The following FAM227B variants were observed in gnomAD, a reference collection of about 807,000 sequenced individuals.
FAM227B encodes protein FAM227B.
FAM227B carries 88 observed loss-of-function variants against 73.8 expected under a neutral mutation model. That is an observed-to-expected ratio of 1.19 (90% CI 1.00 to 1.42). The LOEUF (loss-of-function observed/expected upper bound fraction) is 1.42. Ranked by LOEUF, FAM227B falls within the 40% of genes most tolerant of loss-of-function variation. FAM227B has a pLI of 0.00. For missense variants in FAM227B, 632 were observed against 590.9 expected (o/e 1.07, Z -0.72); for synonymous variants, 210 against 190.5 (o/e 1.10, Z -0.84).
At chr15:49,416,789 ACAC>A (rs2049246511) in intron 11 of FAM227B, among the ~76,000 whole-genome samples, 1 of 151,912 alleles carries the variant, frequency 6.6e-6, no homozygotes, top group Non-Finnish European at 1.5e-5. Context: ...ACACACACAC[ACAC>A]ACACACAAAC....
At chr15:49,395,536 A>G (rs921354256) in intron 11 of FAM227B, among the ~76,000 whole-genome samples, 1 of 152,236 alleles carries the variant, frequency 6.6e-6, no homozygotes, top group African/African-American at 2.4e-5. Flanking sequence ...CATAGGCAGA[A>G]GTACATTACT....
intron 11 of FAM227B, among the ~76,000 whole-genome samples, chr15:49,436,061 AG>A (rs1207205376): frequency 6.6e-6 from 1 of 151,554 alleles, no homozygotes; most frequent in East Asian, 1.9e-4. Context: ...ATTTCACGGA[AG>A]AAAAAAAAGA....
At chr15:49,368,117 C>G (rs1467726518) in intron 12 of FAM227B, among the ~76,000 whole-genome samples, 2 of 151,800 alleles carry the variant, frequency 1.3e-5, no homozygotes, top group African/African-American at 4.8e-5. Context: ...GGATTAATAA[C>G]TAACTTCTTA....
intron 10 of FAM227B, among the ~76,000 whole-genome samples, chr15:49,536,772 G>A (rs1289648030): frequency 6.6e-6 from 1 of 151,892 alleles, no homozygotes; most frequent in African/African-American, 2.4e-5. Context: ...AAACATATGT[G>A]GTGAATTAAT....
intron 11 of FAM227B, among the ~76,000 whole-genome samples, chr15:49,495,096 T>G (rs2057480578): frequency 6.6e-6 from 1 of 152,194 alleles, no homozygotes; most frequent in Admixed American, 6.5e-5. Context: ...ATGCTAATAA[T>G]TCATTTCATA....
rs187286591 is a variant in FAM227B at position 49,499,839 on chromosome 15, T to C, written c.1012+8372A>G. On this transcript the variant is annotated intron_variant, in intron 11 of 15. Coordinates refer to ENST00000299338, the MANE Select transcript of FAM227B (RefSeq NM_152647.3). The stretch of plus-strand genomic sequence containing the variant: ...GATTCTTAATGTTTATACATATAAT[T>C]AAGAAAAATTACTCAAAATGAATTA... Among the ~76,000 whole-genome samples, 318 of 152,230 alleles carry C rather than the reference T, an allele frequency of 2.1e-3. 4 individuals carry two copies. Among genetic ancestry groups the C allele is most frequent in the Admixed American group, 4.3e-3 (65 of 15,294 alleles).
At chr15:49,531,672 A>G (rs1484648004) in intron 10 of FAM227B, among the ~76,000 whole-genome samples, 1 of 151,980 alleles carries the variant, frequency 6.6e-6, no homozygotes, top group Non-Finnish European at 1.5e-5. Flanking sequence ...TACTCCCATC[A>G]TCTTCCCTGT....
intron 11 of FAM227B, among the ~76,000 whole-genome samples, chr15:49,490,216 T>C (rs955840163): frequency 6.6e-6 from 1 of 151,818 alleles, no homozygotes; most frequent in African/African-American, 2.4e-5. Flanking sequence ...ATATTTCTGC[T>C]ATTCACAACT....
intron 10 of FAM227B, among the ~76,000 whole-genome samples, chr15:49,528,077 G>A (rs1939625969): frequency 6.6e-6 from 1 of 151,794 alleles, no homozygotes; most frequent in South Asian, 2.1e-4. Flanking sequence ...AAAGTTGGAG[G>A]TATCACATCA....
chr15:49,507,874 A>C (rs995231339), intron 11 of FAM227B, among the ~76,000 whole-genome samples: 8 of 152,094 alleles, frequency 5.3e-5, no homozygotes, highest in African/African-American at 1.9e-4. Context: ...ACAAAACTGA[A>C]ACCCTAAAGA....
intron 6 of FAM227B, chr15:49,577,289 C>T (rs2152379011): frequency 2.8e-6 from 1 of 354,166 alleles, no homozygotes; most frequent in Admixed American, 3.8e-5. Flanking sequence ...AGAGTGAGGC[C>T]CCATTCCCCA....
At chr15:49,475,210 T>C (rs567580288) in intron 11 of FAM227B, among the ~76,000 whole-genome samples, 238 of 152,234 alleles carry the variant, frequency 1.6e-3, no homozygotes, top group African/African-American at 5.5e-3. Context: ...AGCCAAACAG[T>C]GCATAAAATA....
At chr15:49,406,275 C>T (rs1014000335) in intron 11 of FAM227B, among the ~76,000 whole-genome samples, 2 of 152,142 alleles carry the variant, frequency 1.3e-5, no homozygotes, top group South Asian at 2.1e-4. Context: ...GGTGCACACT[C>T]GTTGGCTGAA....
At chr15:49,381,742 T>C (rs1448237841) in intron 11 of FAM227B, among the ~76,000 whole-genome samples, 1 of 152,172 alleles carries the variant, frequency 6.6e-6, no homozygotes, top group Non-Finnish European at 1.5e-5. Context: ...CACTAATTGT[T>C]TTTTGTTTTT....
chr15:49,456,110 G>T (rs1196127839), intron 11 of FAM227B, among the ~76,000 whole-genome samples: 3 of 152,038 alleles, frequency 2.0e-5, no homozygotes. Context: ...AGTAAGTCTA[G>T]ACTCTGTATT....
intron 10 of FAM227B, among the ~76,000 whole-genome samples, chr15:49,529,874 TG>T (rs2060482533): frequency 6.6e-6 from 1 of 151,948 alleles, no homozygotes; most frequent in Non-Finnish European, 1.5e-5. Flanking sequence ...TATGAACTTT[TG>T]GGATTGACTT....
chr15:49,616,736 G>C (rs1030968671), intron 1 of FAM227B, among the ~76,000 whole-genome samples: 2 of 152,106 alleles, frequency 1.3e-5, no homozygotes, highest in East Asian at 1.9e-4. Context: ...ATTAATATAG[G>C]ATCATTCAGC....
At chr15:49,577,018 C>T (rs369294012) in intron 6 of FAM227B, among the ~76,000 whole-genome samples, 173 bp from the exon 7 acceptor site, 9 of 152,226 alleles carry the variant, frequency 5.9e-5, no homozygotes, top group Admixed American at 3.3e-4. Flanking sequence ...AACCTTTGGC[C>T]GTGCACGGTG....
At chr15:49,404,768 G>T (rs1858623538) in intron 11 of FAM227B, among the ~76,000 whole-genome samples, 1 of 151,944 alleles carries the variant, frequency 6.6e-6, no homozygotes, top group African/African-American at 2.4e-5. Flanking sequence ...TACATTCATG[G>T]TTAGTATTAT....
Sources: allele counts gnomAD v4.1 joint callset (sites outside exome capture counted in the v4.1 genomes callset), GRCh38; gene constraint gnomAD v4.1.1; transcripts MANE v1.5; gene names NCBI Gene and HGNC (gene_info 2026-07-23, HGNC 2026-07-21).